The following TXNDC16 variants were observed in gnomAD, a reference collection of about 807,000 sequenced individuals.
The protein encoded by TXNDC16 is thioredoxin domain-containing protein 16.
TXNDC16 carries 74 observed loss-of-function variants against 85.6 expected under a neutral mutation model. The observed-to-expected ratio is 0.86, with a 90% CI of 0.72 to 1.05. TXNDC16 has a LOEUF of 1.05. Among genes scored for constraint, TXNDC16 ranks in the 50% least tolerant of loss-of-function variants. The pLI is 0.00. For missense variants in TXNDC16, 959 were observed against 947.0 expected, an observed-to-expected ratio of 1.01 and a Z score of -0.17; for synonymous variants, 335 against 326.5, an observed-to-expected ratio of 1.03 and a Z score of -0.28.
intron 16 of TXNDC16, among the ~76,000 whole-genome samples, chr14:52,464,683 G>C (rs181747639): frequency 1.3e-5 from 2 of 152,204 alleles, no homozygotes; most frequent in African/African-American, 4.8e-5. Context: ...TATAATCTCA[G>C]CACTTTGGGA....
At chr14:52,455,561 G>T in intron 17 of TXNDC16, 99 bp from the exon 18 acceptor site, 1 of 1,375,082 alleles carries the variant, frequency 7.3e-7, no homozygotes, top group South Asian at 1.4e-5. Flanking sequence ...CAGCAAATGG[G>T]AATTCCTACT....
intron 6 of TXNDC16, among the ~76,000 whole-genome samples, chr14:52,527,809 C>T (rs1410746999): frequency 3.3e-5 from 5 of 152,108 alleles, no homozygotes; most frequent in Admixed American, 3.3e-4. Flanking sequence ...AGGGTAACAA[C>T]TCAGACTCTT....
At position 52,442,070 on chromosome 14, in the gene TXNDC16, G is replaced by GA. The variant is rs1168880982; in HGVS notation, c.1843-1347dup. 4.0e-5 allele frequency among the ~76,000 whole-genome samples: 6 copies of GA among 151,302 alleles called. No homozygotes were observed. The East Asian group carries it at 5.8e-4, about 15-fold the overall frequency. On this transcript the variant is annotated intron_variant, in intron 18 of 20. Coordinates refer to ENST00000281741, the MANE Select transcript of TXNDC16 (RefSeq NM_020784.3). ...AATCTGTGAAATGAGGGAATTGAAA[G>GA]AAAAAAAATAAAAGAGAATAACCAT...
intron 1 of TXNDC16, among the ~76,000 whole-genome samples, chr14:52,551,644 T>C (rs530243858): frequency 3.2e-4 from 49 of 152,058 alleles, no homozygotes; most frequent in Non-Finnish European, 5.7e-4. Flanking sequence ...TACTTGCTAA[T>C]CTTATTTCCA....
In TXNDC16 at chr14:52,439,338, G is replaced by A; in HGVS notation, c.2060C>T (p.Pro687Leu). Residue 687 changes from proline to leucine, a missense_variant, in exon 20 of 21, where the codon CCC becomes CTC. Physicochemically the swap from Pro to Leu is moderately conservative, Grantham distance 98 (BLOSUM62 -3). Coordinates refer to ENST00000281741, the MANE Select transcript of TXNDC16 (RefSeq NM_020784.3). ...ATTCACCAAAACAAGAAGAGGAAGG[G>A]GAGGCAGAGGATCAAAATATGCCCT... is the stretch of plus-strand genomic sequence containing the variant. ...ILRAYFDPLP[P>L]LPLLVLVNLH... is the part of the protein sequence containing the mutation. The A allele has an allele frequency of 6.2e-7, 1 of 1,613,964 alleles. No individual in the cohort carries two copies. The highest frequency in any genetic ancestry group is 8.5e-7 in the Non-Finnish European group (1 of 1,179,950).
chr14:52,507,677 C>G (rs1322221805), intron 9 of TXNDC16, among the ~76,000 whole-genome samples: 1 of 152,186 alleles, frequency 6.6e-6, no homozygotes, highest in South Asian at 2.1e-4. Context: ...TACAAGGCTA[C>G]AGTAACCAAA....
At chr14:52,452,650 CCTAT>C (rs1305905713) in intron 18 of TXNDC16, among the ~76,000 whole-genome samples, 2 of 152,118 alleles carry the variant, frequency 1.3e-5, no homozygotes, top group Non-Finnish European at 2.9e-5. Flanking sequence ...AAACTAGGCC[CCTAT>C]CTCTCATCAT....
At chr14:52,506,527 C>CTTTTTTTTTTTTTTTTTT (rs765293725) in intron 9 of TXNDC16, among the ~76,000 whole-genome samples, 85 of 97,554 alleles carry the variant, frequency 8.7e-4, no homozygotes, top group South Asian at 1.7e-3. Context: ...TTCAACAACC[C>CTTTTTTTTTTTTTTTTTT]TTTTTTTTTT....
intron 18 of TXNDC16, among the ~76,000 whole-genome samples, chr14:52,444,080 C>T (rs559125662): frequency 9.8e-4 from 149 of 152,002 alleles, no homozygotes; most frequent in Admixed American, 5.9e-4. Context: ...TTACAAAAGC[C>T]GGAAGAAAAG....
chr14:52,452,041 G>C (rs1469990931), intron 18 of TXNDC16, among the ~76,000 whole-genome samples: 2 of 152,054 alleles, frequency 1.3e-5, no homozygotes, highest in African/African-American at 4.8e-5. Context: ...TATGCCAACA[G>C]TGAACAATCT....
intron 1 of TXNDC16, among the ~76,000 whole-genome samples, chr14:52,546,192 C>T (rs2037938247): frequency 6.6e-6 from 1 of 151,956 alleles, no homozygotes; most frequent in Non-Finnish European, 1.5e-5. Context: ...GAAGCTAAGT[C>T]GGGAGGATCG....
At chr14:52,488,831 G>GGAAAAAAAAAA (rs1336603891) in intron 11 of TXNDC16, among the ~76,000 whole-genome samples, 16 of 89,954 alleles carry the variant, frequency 1.8e-4, no homozygotes, top group Non-Finnish European at 2.8e-4. Flanking sequence ...GAGACTCTGG[G>GGAAAAAAAAAA]AAAAAAAAAA....
rs2035887804 is a variant in TXNDC16, at chr14:52,470,694, A to T, written c.1313-14T>A. ...TAGTAGATGTGCCTAAATAAAAGGA[A>T]AATGCACATTTGTAATTACTAATTG... On this transcript the variant is annotated splice_polypyrimidine_tract_variant and intron_variant, in intron 14 of 20. Coordinates refer to ENST00000281741, the MANE Select transcript of TXNDC16 (RefSeq NM_020784.3). 1 of 1,587,250 alleles carries T rather than the reference A, an allele frequency of 6.3e-7. No homozygotes were observed. The highest frequency in any genetic ancestry group is 1.8e-5 in the Admixed American group (1 of 54,744).
At chr14:52,457,447 A>G (rs1413464968) in intron 16 of TXNDC16, among the ~76,000 whole-genome samples, 7 of 152,204 alleles carry the variant, frequency 4.6e-5, no homozygotes, top group Non-Finnish European at 1.0e-4. Context: ...TAGCACTCTA[A>G]TCATAATTAC....
At chr14:52,490,761 G>A (rs1594723312) in intron 10 of TXNDC16, 78 bp downstream of exon 10, 1 of 1,471,060 alleles carries the variant, frequency 6.8e-7, no homozygotes, top group East Asian at 2.3e-5. Context: ...ACTTATAAGT[G>A]ATTAAATTAC....
chr14:52,499,609 C>CAA (rs201990030), intron 9 of TXNDC16, among the ~76,000 whole-genome samples: 13 of 126,878 alleles, frequency 1.0e-4, no homozygotes, highest in East Asian at 6.6e-4. Flanking sequence ...TGGCCACTAT[C>CAA]AAAAAAAAAA....
intron 19 of TXNDC16, among the ~76,000 whole-genome samples, 165 bp downstream of exon 19, chr14:52,440,399 A>G (rs1263207338): frequency 6.6e-6 from 1 of 152,192 alleles, no homozygotes; most frequent in East Asian, 1.9e-4. Flanking sequence ...AAATAAGGTC[A>G]TCTTGGACCT....
intron 6 of TXNDC16, among the ~76,000 whole-genome samples, chr14:52,527,647 T>A (rs903379114): frequency 6.6e-6 from 1 of 152,176 alleles, no homozygotes. Context: ...GGTATAAGCA[T>A]CTGACTCTTG....
intron 6 of TXNDC16, among the ~76,000 whole-genome samples, chr14:52,536,279 C>T (rs2037698694): frequency 6.6e-6 from 1 of 152,156 alleles, no homozygotes; most frequent in African/African-American, 2.4e-5. Flanking sequence ...GGGCCCTCAC[C>T]CAACACCAAA....
Sources: gnomAD v4.1 joint callset for allele counts (sites outside exome capture counted in the v4.1 genomes callset) on GRCh38, gnomAD v4.1.1 for gene constraint, MANE v1.5 for transcripts, NCBI Gene and HGNC (gene_info 2026-07-23, HGNC 2026-07-21) for gene names.